NFIB: variants seen among roughly 807,000 people sequenced by gnomAD.
NFIB encodes the protein nuclear factor 1 B-type.
A neutral mutation model predicts 61.5 loss-of-function variants in NFIB; 11 were observed. The observed-to-expected ratio is 0.18, with a 90% CI of 0.11 to 0.30. The LOEUF (loss-of-function observed/expected upper bound fraction) is 0.30, where lower values mean the gene tolerates loss of function less well. NFIB is among the 10% of genes least tolerant of loss of function. NFIB has a pLI of 1.00. For missense variants in NFIB, 471 were observed against 608.9 expected (o/e 0.77, Z 2.38); for synonymous variants, 260 against 216.5 (o/e 1.20, Z -1.76).
At chr9:14,126,505 G>C (rs879599679) in intron 6 of NFIB, among the ~76,000 whole-genome samples, 1 of 152,190 alleles carries the variant, frequency 6.6e-6, no homozygotes. Flanking sequence ...GATGAGGAAG[G>C]CATTTCTCAT....
intron 3 of NFIB, among the ~76,000 whole-genome samples, chr9:14,174,835 G>A (rs1761540965): frequency 6.7e-6 from 1 of 149,622 alleles, no homozygotes. Flanking sequence ...TCTTTTCTTT[G>A]ACTTTGACTT....
At chr9:14,267,873 C>A (rs1362735131) in intron 2 of NFIB, among the ~76,000 whole-genome samples, 1 of 152,184 alleles carries the variant, frequency 6.6e-6, no homozygotes, top group Non-Finnish European at 1.5e-5. Flanking sequence ...TGGCTCACGC[C>A]TGTAATCCCA....
At position 14,113,089 on chromosome 9, in the gene NFIB, AG is replaced by A. The variant is rs1563796808; in HGVS notation, c.1385-9del. ...TGCCTGAGGCTGTGTAGGCTGATTA[AG>A]GAAGAACAAAAACAAAGATAAAAAT... On this transcript the variant is annotated splice_polypyrimidine_tract_variant and intron_variant, in intron 9 of 10. Coordinates refer to ENST00000380953, the MANE Select transcript of NFIB (RefSeq NM_001190737.2). The A allele has an allele frequency of 6.5e-7, 1 of 1,548,154 alleles. No homozygotes were observed. Among genetic ancestry groups the A allele is most frequent in the African/African-American group, 1.4e-5 (1 of 72,856 alleles).
At chr9:14,239,355 T>C (rs2054121483) in intron 2 of NFIB, among the ~76,000 whole-genome samples, 1 of 152,196 alleles carries the variant, frequency 6.6e-6, no homozygotes, top group African/African-American at 2.4e-5. Flanking sequence ...GGCATGTGTA[T>C]ATGTTCTAAG....
At chr9:14,453,350 G>C in the NFIB span, among the ~76,000 whole-genome samples, 1 of 152,204 alleles carries the variant, frequency 6.6e-6, no homozygotes, top group Non-Finnish European at 1.5e-5. Context: ...CTCCTAGATA[G>C]GGAGGATTTA....
intron 2 of NFIB, among the ~76,000 whole-genome samples, chr9:14,215,171 G>A (rs2050725909): frequency 7.0e-6 from 1 of 141,846 alleles, no homozygotes; most frequent in South Asian, 2.1e-4. Context: ...AAAAATAATG[G>A]CTAAAGCAGC....
intron 2 of NFIB, among the ~76,000 whole-genome samples, chr9:14,257,773 A>G (rs918537672): frequency 1.1e-4 from 16 of 152,136 alleles, no homozygotes; most frequent in Admixed American, 3.9e-4. Flanking sequence ...AAAAAAAACG[A>G]AAGAAAGAAA....
At chr9:14,121,312 C>T (rs1367040869) in intron 7 of NFIB, among the ~76,000 whole-genome samples, 1 of 152,152 alleles carries the variant, frequency 6.6e-6, no homozygotes, top group Non-Finnish European at 1.5e-5. Context: ...CTCAAACAAA[C>T]AAACAAACAA....
At chr9:14,498,449 C>T in the NFIB span, among the ~76,000 whole-genome samples, 1 of 152,190 alleles carries the variant, frequency 6.6e-6, no homozygotes, top group African/African-American at 2.4e-5. Flanking sequence ...ACTAGCAGAA[C>T]ACTTAGCTGC....
rs540202185 is a variant in NFIB at position 14,207,309 on chromosome 9, T to G, written c.563-27529A>C. On this transcript the variant is annotated intron_variant, in intron 2 of 10. Transcript: ENST00000380953. The stretch of plus-strand genomic sequence containing the variant: ...AAAAGAGATACAGTCCAGGTAGAGG[T>G]TGCACCTCTGCAATTACAGGGCTCC... Among the ~76,000 whole-genome samples the G allele has an allele frequency of 6.6e-5, 10 of 152,266 alleles. No individual in the cohort carries two copies. The South Asian group carries it at 2.1e-3, about 32-fold the overall frequency.
chr9:14,509,572 C>T, the NFIB span, among the ~76,000 whole-genome samples: 293 of 152,332 alleles, frequency 1.9e-3, 3 homozygotes, highest in African/African-American at 6.8e-3. Context: ...CACAGATAGC[C>T]TGTACTTTGT....
rs746058873 is a variant in NFIB, at chr9:14,307,035, T to G, written c.516A>C (p.Ser172=). Reference sequence around the variant, plus strand: ...CCAAAAACAAATCAAGCTCCTTAACTGATACTGTGATATGATGTGGCTGGA... The same window carrying G: ...CCAAAAACAAATCAAGCTCCTTAACGGATACTGTGATATGATGTGGCTGGA... ...LCVQPHHITV[S]VKELDLFLAY... The change falls in exon 2 of 11, where the codon TCA becomes TCC. Residue 172 remains serine, a synonymous_variant. Transcript: ENST00000380953. The surrounding 1 kb of genome is among the most constrained non-coding windows in gnomAD (Gnocchi z 5.3). The G allele has an allele frequency of 4.3e-6, 7 of 1,614,204 alleles. No homozygotes were observed. Among genetic ancestry groups the G allele is most frequent in the Non-Finnish European group, 5.9e-6 (7 of 1,180,040 alleles).
the NFIB span, among the ~76,000 whole-genome samples, chr9:14,447,999 G>C: frequency 6.6e-6 from 1 of 152,142 alleles, no homozygotes; most frequent in Admixed American, 6.5e-5. Flanking sequence ...AGCCTATACT[G>C]ATCTGGCTTT....
At chr9:14,453,049 C>A in the NFIB span, among the ~76,000 whole-genome samples, 1 of 152,172 alleles carries the variant, frequency 6.6e-6, no homozygotes, top group Non-Finnish European at 1.5e-5. Context: ...GGTGCATAAG[C>A]CCACCACAGT....
chr9:14,155,341 C>A (rs1262727093), intron 4 of NFIB, among the ~76,000 whole-genome samples: 1 of 152,166 alleles, frequency 6.6e-6, no homozygotes, highest in African/African-American at 2.4e-5. Flanking sequence ...ACAATGCTTT[C>A]TATCTATATC....
chr9:14,395,726 C>CTTT lies in NFIB; in HGVS notation c.108+2795_108+2797dup, dbSNP rs35417792. ...TCATCCCCCTCCCATATTCTTTTGA[C>CTTT]TTTTTTTTTTTTTTTTTTTTTTTTT... is the stretch of plus-strand genomic sequence containing the variant. On this transcript the variant is annotated intron_variant, in intron 1 of 8. Transcript: ENST00000380934. Among the ~76,000 whole-genome samples the CTTT allele has an allele frequency of 2.6e-3, 173 of 65,752 alleles. 5 individuals are homozygous for CTTT. Among genetic ancestry groups the CTTT allele is most frequent in the Non-Finnish European group, 3.3e-3 (110 of 33,280 alleles). 43.1% of individuals were successfully genotyped at this position (65,752 alleles called of 152,430 possible).
intron 9 of NFIB, among the ~76,000 whole-genome samples, chr9:14,114,471 G>T (rs1383888365): frequency 6.6e-6 from 1 of 152,126 alleles, no homozygotes; most frequent in Non-Finnish European, 1.5e-5. Flanking sequence ...ATTACTGGTG[G>T]TGCCTAAGAA....
chr9:14,253,440 G>T (rs1182081144), intron 2 of NFIB, among the ~76,000 whole-genome samples: 4 of 152,182 alleles, frequency 2.6e-5, no homozygotes, highest in Admixed American at 2.6e-4. Context: ...GAAGTGTGTG[G>T]TTTTCTCTAA....
At chr9:14,161,502 C>CATATAT (rs980660146) in intron 3 of NFIB, among the ~76,000 whole-genome samples, 22 of 149,762 alleles carry the variant, frequency 1.5e-4, no homozygotes, top group African/African-American at 5.1e-4. Context: ...ACTTTTTCCG[C>CATATAT]ATATATATAT....
Sources: allele counts gnomAD v4.1 joint callset (sites outside exome capture counted in the v4.1 genomes callset), GRCh38; gene constraint gnomAD v4.1.1; non-coding constraint Gnocchi (gnomAD v3.1); transcripts MANE v1.5; gene names NCBI Gene and HGNC (gene_info 2026-07-23, HGNC 2026-07-21).